The following GLRA3 variants were observed in gnomAD, a reference collection of about 807,000 sequenced individuals.
GLRA3 encodes glycine receptor subunit alpha-3.
GLRA3 carries 44 observed loss-of-function variants against 60.4 expected under a neutral mutation model. The observed-to-expected ratio is 0.73, with a 90% CI of 0.57 to 0.94. The LOEUF is 0.94. GLRA3 is among the 40% of genes least tolerant of loss of function. GLRA3 has a pLI of 0.00. For missense variants in GLRA3, 508 were observed against 564.6 expected (o/e 0.90, Z 1.02); for synonymous variants, 223 against 192.9 (o/e 1.16, Z -1.29).
chr4:174,788,979 A>G, intron 1 of GLRA3, 36 bp from the exon 2 acceptor site: 1 of 1,417,098 alleles, frequency 7.1e-7, no homozygotes. Flanking sequence ...CTTTACAAAA[A>G]GAAGTATTTC....
intron 5 of GLRA3, among the ~76,000 whole-genome samples, chr4:174,707,049 A>G (rs144406271): frequency 6.6e-6 from 1 of 152,322 alleles, no homozygotes; most frequent in Admixed American, 6.5e-5. Flanking sequence ...TCTCAGCAAG[A>G]TATCTGATGA....
intron 5 of GLRA3, among the ~76,000 whole-genome samples, chr4:174,694,262 C>A (rs1312684861): frequency 6.6e-6 from 1 of 152,134 alleles, no homozygotes; most frequent in African/African-American, 2.4e-5. Context: ...CAGCACTTTC[C>A]ACCCAAAACC....
At chr4:174,799,168 T>G (rs964038682) in intron 1 of GLRA3, among the ~76,000 whole-genome samples, 1 of 152,234 alleles carries the variant, frequency 6.6e-6, no homozygotes, top group Non-Finnish European at 1.5e-5. Flanking sequence ...ACATATCATT[T>G]AATTACCATA....
chr4:174,760,161 A>T (rs1054218194), intron 3 of GLRA3, among the ~76,000 whole-genome samples: 1 of 152,182 alleles, frequency 6.6e-6, no homozygotes, highest in Admixed American at 6.5e-5. Flanking sequence ...TAAATGGAGA[A>T]AATATATTAA....
At chr4:174,814,062 G>A (rs538724193) in intron 1 of GLRA3, among the ~76,000 whole-genome samples, 1 of 117,182 alleles carries the variant, frequency 8.5e-6, no homozygotes, top group African/African-American at 2.9e-5. Flanking sequence ...CAGCATCAAG[G>A]GGGGGTATCC....
intron 9 of GLRA3, among the ~76,000 whole-genome samples, chr4:174,644,651 G>A (rs1732749467): frequency 6.6e-6 from 1 of 152,116 alleles, no homozygotes; most frequent in Non-Finnish European, 1.5e-5. Context: ...AGATGGCCAT[G>A]TATTCTAGTT....
At chr4:174,780,698 A>G (rs968032881) in intron 2 of GLRA3, among the ~76,000 whole-genome samples, 3 of 151,410 alleles carry the variant, frequency 2.0e-5, no homozygotes, top group Non-Finnish European at 2.9e-5. Flanking sequence ...AAACCAACAA[A>G]GATCAAAAGA....
intron 1 of GLRA3, among the ~76,000 whole-genome samples, chr4:174,802,559 C>A (rs1392000827): frequency 6.6e-6 from 1 of 152,012 alleles, no homozygotes; most frequent in Non-Finnish European, 1.5e-5. Flanking sequence ...TTTTAGTCAA[C>A]TGGAGAGGAG....
chr4:174,682,622 A>G (rs1178573991), intron 6 of GLRA3, among the ~76,000 whole-genome samples, 180 bp downstream of exon 6: 1 of 152,234 alleles, frequency 6.6e-6, no homozygotes, highest in Non-Finnish European at 1.5e-5. Context: ...CATACAGACC[A>G]ATTATTTAAC....
chr4:174,699,948 T>C (rs1735241695), intron 5 of GLRA3, among the ~76,000 whole-genome samples: 2 of 152,016 alleles, frequency 1.3e-5, no homozygotes, highest in African/African-American at 4.8e-5. Context: ...TCAATTGTGT[T>C]GTAATCCACA....
In GLRA3 at chr4:174,643,663, C is replaced by T. The variant is rs1732694946; in HGVS notation, c.*123G>A. Reference sequence around the variant, plus strand: ...AGCTAACCAAAATACAAAGCTTTTCCATATGCCATTTTAATACAATGGTCA... The same window carrying T: ...AGCTAACCAAAATACAAAGCTTTTCTATATGCCATTTTAATACAATGGTCA... On this transcript the variant is annotated 3_prime_UTR_variant, in exon 10 of 10. Coordinates refer to ENST00000274093, the MANE Select transcript of GLRA3 (RefSeq NM_006529.4). The T allele has an allele frequency of 2.8e-6, 4 of 1,410,996 alleles. No homozygotes were observed. The highest frequency in any genetic ancestry group is 2.5e-5 in the Admixed American group (1 of 40,328). 87.4% of individuals were successfully genotyped at this position (1,410,996 alleles called of 1,614,324 possible).
At chr4:174,796,982 T>A (rs1045705758) in intron 1 of GLRA3, among the ~76,000 whole-genome samples, 3 of 152,146 alleles carry the variant, frequency 2.0e-5, no homozygotes, top group Non-Finnish European at 2.9e-5. Context: ...CAGACAGCCC[T>A]TAGAAAACTA....
At chr4:174,802,158 C>A (rs1290917107) in intron 1 of GLRA3, among the ~76,000 whole-genome samples, 1 of 152,006 alleles carries the variant, frequency 6.6e-6, no homozygotes, top group Non-Finnish European at 1.5e-5. Flanking sequence ...TCTAACCTTT[C>A]TCATTTCTCA....
chr4:174,740,706 A>G (rs1345213646), intron 3 of GLRA3, among the ~76,000 whole-genome samples: 2 of 152,238 alleles, frequency 1.3e-5, no homozygotes, highest in African/African-American at 2.4e-5. Flanking sequence ...CATCACAGGC[A>G]GGTTACAGAA....
At chr4:174,811,418 T>A (rs1172038301) in intron 1 of GLRA3, among the ~76,000 whole-genome samples, 1 of 152,102 alleles carries the variant, frequency 6.6e-6, no homozygotes, top group Non-Finnish European at 1.5e-5. Flanking sequence ...TGTGGCCTGA[T>A]CTCTGTTAAT....
rs1388758575 is a variant in GLRA3, at chr4:174,643,783, G to A, written c.*3C>T. ...CCATTTGCATTTGCATGCCCCCAGAGACTTAATCTTGCTGCTGATGAATAT... is the reference window on the plus strand; with the variant it reads ...CCATTTGCATTTGCATGCCCCCAGAAACTTAATCTTGCTGCTGATGAATAT... On this transcript the variant is annotated 3_prime_UTR_variant, in exon 10 of 10. Coordinates refer to ENST00000274093, the MANE Select transcript of GLRA3 (RefSeq NM_006529.4). 2 of 1,610,846 alleles carry A rather than the reference G, an allele frequency of 1.2e-6. No individual in the cohort carries two copies. The highest frequency in any genetic ancestry group is 3.3e-5 in the Admixed American group (2 of 59,760).
intron 1 of GLRA3, among the ~76,000 whole-genome samples, chr4:174,803,980 A>AT (rs1215629864): frequency 1.3e-5 from 2 of 152,142 alleles, no homozygotes; most frequent in Non-Finnish European, 2.9e-5. Flanking sequence ...TCCTTAAATA[A>AT]TTTCTCATTC....
intron 7 of GLRA3, among the ~76,000 whole-genome samples, chr4:174,662,715 T>C (rs1733498834): frequency 6.6e-6 from 1 of 152,170 alleles, no homozygotes; most frequent in African/African-American, 2.4e-5. Context: ...CCCAGCAGGT[T>C]CTTCAGGTCT....
chr4:174,650,770 G>A (rs191248273), intron 9 of GLRA3, among the ~76,000 whole-genome samples: 1 of 152,168 alleles, frequency 6.6e-6, no homozygotes, highest in Non-Finnish European at 1.5e-5. Flanking sequence ...GCCAATGATG[G>A]ACCCTGCAGC....
Sources: allele counts gnomAD v4.1 joint callset (sites outside exome capture counted in the v4.1 genomes callset), GRCh38; gene constraint gnomAD v4.1.1; transcripts MANE v1.5; gene names NCBI Gene and HGNC (gene_info 2026-07-23, HGNC 2026-07-21).